Variants in FSTL5 observed in about 807,000 individuals in gnomAD.
FSTL5 encodes follistatin like 5, also known as follistatin-related protein 5.
A neutral mutation model predicts 89.1 loss-of-function variants in FSTL5; 62 were observed. The ratio of observed to expected loss-of-function variants is 0.70; its 90% CI spans 0.57 to 0.86. FSTL5 has a LOEUF of 0.86. Among genes scored for constraint, FSTL5 ranks in the 40% least tolerant of loss-of-function variants. FSTL5 has a pLI of 0.00. For synonymous variants in FSTL5, 383 were observed against 346.2 expected, an observed-to-expected ratio of 1.11 and a Z score of -1.18; for missense variants, 1,057 against 1,001.6, an observed-to-expected ratio of 1.06 and a Z score of -0.75.
intron 3 of FSTL5, among the ~76,000 whole-genome samples, chr4:162,025,313 TA>T (rs1365352998): frequency 3.9e-5 from 6 of 152,196 alleles, no homozygotes; most frequent in African/African-American, 1.4e-4. Flanking sequence ...AGGCTTTTGA[TA>T]AATATGTTTC....
rs1486676281 is a variant in FSTL5 at position 161,391,839 on chromosome 4, C to T, written c.1842-5390G>A. Among the ~76,000 whole-genome samples the T allele has an allele frequency of 2.0e-5, 3 of 152,278 alleles. No individual in the cohort carries two copies. The South Asian group carries it at 6.2e-4, about 32-fold the overall frequency. ...TAGATGTGTTTGAGAAATGATAGCA[C>T]TTTGAAGTTTTCTGTTTCCAAAGCA... On this transcript the variant is annotated intron_variant, in intron 15 of 15. Coordinates refer to ENST00000306100, the MANE Select transcript of FSTL5 (RefSeq NM_020116.5).
chr4:162,109,314 A>C (rs1040448894), intron 2 of FSTL5, among the ~76,000 whole-genome samples: 1 of 152,094 alleles, frequency 6.6e-6, no homozygotes, highest in South Asian at 2.1e-4. Flanking sequence ...GGACTTGTAC[A>C]ACCCAGGATT....
chr4:161,939,702 T>A (rs1007064228), intron 3 of FSTL5, among the ~76,000 whole-genome samples: 3 of 151,936 alleles, frequency 2.0e-5, no homozygotes, highest in Non-Finnish European at 2.9e-5. Context: ...TGACAGGAAA[T>A]AAGGTGTCAT....
At position 162,081,825 on chromosome 4, in the gene FSTL5, C is replaced by A. The variant is rs553424206; in HGVS notation, c.126+29446G>T. Among the ~76,000 whole-genome samples the A allele has an allele frequency of 1.8e-3, 277 of 151,434 alleles. 1 individual carries two copies. The highest frequency in any genetic ancestry group is 6.3e-3 in the African/African-American group (263 of 41,436). ...TCTCTCTCTCTCTCTCTCTCACACA[C>A]ACACACCTTCTTAAGCCGACAAAAT... On this transcript the variant is annotated intron_variant, in intron 2 of 15. Transcript: ENST00000306100.
chr4:162,081,675 A>T (rs1730102724), intron 2 of FSTL5, among the ~76,000 whole-genome samples: 1 of 151,614 alleles, frequency 6.6e-6, no homozygotes, highest in African/African-American at 2.4e-5. Context: ...CTTAGAGTTA[A>T]TAAAATAATT....
chr4:161,417,801 CTT>C (rs771016182), intron 15 of FSTL5, among the ~76,000 whole-genome samples: 1 of 152,088 alleles, frequency 6.6e-6, no homozygotes, highest in Non-Finnish European at 1.5e-5. Context: ...TAAATAAACA[CTT>C]AAAAGAGATG....
chr4:161,830,672 A>C (rs1730816063), intron 4 of FSTL5, among the ~76,000 whole-genome samples: 1 of 152,034 alleles, frequency 6.6e-6, no homozygotes, highest in Non-Finnish European at 1.5e-5. Context: ...AATTAAATAA[A>C]AAGTGTCCCT....
intron 4 of FSTL5, among the ~76,000 whole-genome samples, chr4:161,789,084 T>A (rs1449939804): frequency 6.6e-6 from 1 of 152,174 alleles, no homozygotes; most frequent in East Asian, 1.9e-4. Flanking sequence ...GATGACAGAT[T>A]AATATTTATA....
intron 8 of FSTL5, among the ~76,000 whole-genome samples, chr4:161,581,405 C>T (rs760719868): frequency 6.6e-6 from 1 of 152,194 alleles, no homozygotes; most frequent in Non-Finnish European, 1.5e-5. Flanking sequence ...CCTCTTCCTG[C>T]TTTGTAGATC....
chr4:161,602,220 AGAGAGAGT>A (rs1424279349), intron 7 of FSTL5, among the ~76,000 whole-genome samples: 35 of 145,804 alleles, frequency 2.4e-4, no homozygotes, highest in South Asian at 9.0e-4. Flanking sequence ...GCACACACAG[AGAGAGAGT>A]GAGAGAGTGA....
chr4:161,386,282 G>C lies in FSTL5; in HGVS notation c.2009C>G (p.Thr670Ser). The C allele has an allele frequency of 6.2e-7, 1 of 1,613,948 alleles. No individual in the cohort carries two copies. Among genetic ancestry groups the C allele is most frequent in the Non-Finnish European group, 8.5e-7 (1 of 1,179,958 alleles). Residue 670 changes from threonine (T) to serine (S), a missense_variant, in exon 16 of 16, where the codon ACC (threonine) becomes AGC (serine). Coordinates refer to ENST00000306100, the MANE Select transcript of FSTL5 (RefSeq NM_020116.5). ...CATGACCTGTGGGGAAACTGCTCCG[G>C]TGCTGTCAGGTTTGCAGCCAATGAA... ...YYFIGCKPDS[T>S]GAVSPQVMVD...
intron 10 of FSTL5, among the ~76,000 whole-genome samples, chr4:161,537,821 T>A (rs1731677148): frequency 6.6e-6 from 1 of 152,114 alleles, no homozygotes; most frequent in Non-Finnish European, 1.5e-5. Flanking sequence ...AGATACACAT[T>A]GGATACATTT....
At chr4:162,067,815 CA>C (rs1398102308) in intron 2 of FSTL5, among the ~76,000 whole-genome samples, 2 of 151,870 alleles carry the variant, frequency 1.3e-5, no homozygotes, top group Non-Finnish European at 2.9e-5. Context: ...TGTCTTAGCC[CA>C]AAAGCATTTA....
intron 7 of FSTL5, among the ~76,000 whole-genome samples, chr4:161,643,488 T>C (rs1257255921): frequency 6.6e-6 from 1 of 151,738 alleles, no homozygotes; most frequent in East Asian, 1.9e-4. Context: ...TTTTTTCCCC[T>C]TTTCAGTCAG....
intron 1 of FSTL5, among the ~76,000 whole-genome samples, chr4:162,120,157 A>T (rs187244560): frequency 6.6e-6 from 1 of 152,266 alleles, no homozygotes; most frequent in East Asian, 1.9e-4. Flanking sequence ...TTTGAGGCTA[A>T]ATGTAGATAA....
intron 15 of FSTL5, among the ~76,000 whole-genome samples, chr4:161,409,244 C>T (rs1731503209): frequency 6.6e-6 from 1 of 152,272 alleles, no homozygotes; most frequent in Non-Finnish European, 1.5e-5. Flanking sequence ...CTAGAAGAGA[C>T]TGGGGCCTGT....
chr4:161,388,993 A>G lies in FSTL5; in HGVS notation c.1842-2544T>C, dbSNP rs552800659. On this transcript the variant is annotated intron_variant, in intron 15 of 15. Coordinates refer to ENST00000306100, the MANE Select transcript of FSTL5 (RefSeq NM_020116.5). ...GTGATAAAATTACATCTATTTTAGC[A>G]TCTGCATTGTATGCTCCTTTAGGGC... is the stretch of plus-strand genomic sequence containing the variant. 5.3e-5 allele frequency among the ~76,000 whole-genome samples: 8 copies of G among 152,302 alleles called. No homozygotes were observed. The South Asian group carries it at 1.4e-3, about 28-fold the overall frequency.
At chr4:161,557,797 C>T (rs1288668939) in intron 8 of FSTL5, among the ~76,000 whole-genome samples, 3 of 151,610 alleles carry the variant, frequency 2.0e-5, no homozygotes, top group Non-Finnish European at 4.4e-5. Context: ...AAAAATAAAT[C>T]TAAGATATCT....
intron 6 of FSTL5, among the ~76,000 whole-genome samples, chr4:161,695,481 A>ATG (rs1491118662): frequency 5.1e-5 from 2 of 39,148 alleles, no homozygotes; most frequent in Admixed American, 9.0e-4. Context: ...GACATATATC[A>ATG]TATATATATA....
Sources: allele counts gnomAD v4.1 joint callset (sites outside exome capture counted in the v4.1 genomes callset), GRCh38; gene constraint gnomAD v4.1.1; transcripts MANE v1.5; gene names NCBI Gene and HGNC (gene_info 2026-07-23, HGNC 2026-07-21).